The following VTI1A variants were observed in gnomAD, a reference collection of about 807,000 sequenced individuals.
VTI1A encodes vesicle transport through interaction with t-SNAREs homolog 1A.
Under a neutral mutation model 34.9 loss-of-function variants are expected in VTI1A, and 22 were observed. The observed-to-expected ratio is 0.63, with a 90% CI of 0.45 to 0.90. VTI1A has a LOEUF of 0.90. Among genes scored for constraint, VTI1A ranks in the 40% least tolerant of loss-of-function variants. The probability of loss-of-function intolerance (pLI) is 0.00; values close to 1 mark genes in which losing one functional copy is unlikely to be tolerated. For missense variants in VTI1A, 268 were observed against 275.6 expected, an observed-to-expected ratio of 0.97 and a Z score of 0.20; for synonymous variants, 87 against 97.3, an observed-to-expected ratio of 0.89 and a Z score of 0.62.
intron 5 of VTI1A, among the ~76,000 whole-genome samples, chr10:112,659,177 C>T (rs757346405): frequency 2.0e-5 from 3 of 152,144 alleles, no homozygotes; most frequent in South Asian, 2.1e-4. Flanking sequence ...ACGCTGAACA[C>T]GTCTCCCTTG....
intron 5 of VTI1A, among the ~76,000 whole-genome samples, chr10:112,571,782 C>T (rs7903119): frequency 1.1e-4 from 16 of 152,076 alleles, no homozygotes; most frequent in Admixed American, 5.9e-4. Context: ...ATGGTGTATA[C>T]GTACACTGTG....
At chr10:112,852,552 G>A in the VTI1A span, among the ~76,000 whole-genome samples, 1 of 152,250 alleles carries the variant, frequency 6.6e-6, no homozygotes, top group Admixed American at 6.5e-5. Flanking sequence ...CTCCTGAGGT[G>A]GGGGTTGGCA....
intron 5 of VTI1A, among the ~76,000 whole-genome samples, chr10:112,539,199 CA>C (rs1188128676): frequency 1.3e-5 from 2 of 151,996 alleles, no homozygotes; most frequent in Non-Finnish European, 2.9e-5. Context: ...GTGTAAACCA[CA>C]AAAATATGTA....
At chr10:112,799,194 T>A (rs1485989325) in intron 7 of VTI1A, among the ~76,000 whole-genome samples, 2 of 152,168 alleles carry the variant, frequency 1.3e-5, no homozygotes, top group African/African-American at 4.8e-5. Flanking sequence ...GCTGGGCTTT[T>A]CCTGCCTCCA....
chr10:112,616,502 C>T (rs763483841), intron 5 of VTI1A, among the ~76,000 whole-genome samples: 3 of 151,968 alleles, frequency 2.0e-5, no homozygotes, highest in Non-Finnish European at 2.9e-5. Context: ...GATTCCTATA[C>T]ATTCAGTTCA....
chr10:112,475,712 C>T lies in VTI1A; in HGVS notation c.264+11055C>T, dbSNP rs185395767. ...TTTTGCCCAGTGACTTTGATCTTACCTAGGAAATAAAGAGCAAAGATAAAA... is the reference window on the plus strand; with the variant it reads ...TTTTGCCCAGTGACTTTGATCTTACTTAGGAAATAAAGAGCAAAGATAAAA... On this transcript the variant is annotated intron_variant, in intron 3 of 7. Transcript: ENST00000393077. Among the ~76,000 whole-genome samples the T allele has an allele frequency of 1.4e-4, 21 of 152,028 alleles. No individual in the cohort carries two copies. In the East Asian group the frequency reaches 3.5e-3, roughly 25 times the overall value.
Position 112,533,946 on chromosome 10 carries a change from G to T in VTI1A, c.343-4300G>T, listed in dbSNP as rs1850535472. On this transcript the variant is annotated intron_variant, in intron 4 of 7. Transcript: ENST00000393077. ...TTCTAACATTCTGATTTACTTTACTGTAAACTGTTCTTAAATAAACTCCTT... is the reference window on the plus strand; with the variant it reads ...TTCTAACATTCTGATTTACTTTACTTTAAACTGTTCTTAAATAAACTCCTT... 3.3e-5 allele frequency among the ~76,000 whole-genome samples: 5 copies of T among 151,698 alleles called. 1 individual carries two copies. In the South Asian group the frequency reaches 1.0e-3, roughly 31 times the overall value.
intron 5 of VTI1A, among the ~76,000 whole-genome samples, chr10:112,641,067 G>GT (rs572127035): frequency 2.4e-3 from 360 of 147,936 alleles, no homozygotes; most frequent in Non-Finnish European, 3.6e-3. Flanking sequence ...AAAAGCAAAA[G>GT]TTTTTTTTTT....
chr10:112,712,155 T>C (rs890222332), intron 7 of VTI1A, among the ~76,000 whole-genome samples: 1 of 152,194 alleles, frequency 6.6e-6, no homozygotes, highest in Non-Finnish European at 1.5e-5. Context: ...TCTTCAGATA[T>C]ATCCTGCCTG....
At chr10:112,645,891 T>A (rs1274104862) in intron 5 of VTI1A, among the ~76,000 whole-genome samples, 1 of 152,034 alleles carries the variant, frequency 6.6e-6, no homozygotes, top group African/African-American at 2.4e-5. Flanking sequence ...CCTAGAAGCA[T>A]GTATTGTATG....
chr10:112,533,005 G>A (rs1850500395), intron 4 of VTI1A, among the ~76,000 whole-genome samples: 1 of 151,996 alleles, frequency 6.6e-6, no homozygotes, highest in Non-Finnish European at 1.5e-5. Flanking sequence ...TTACTAGAGT[G>A]GGTACAAGTA....
chr10:112,804,224 G>A (rs972448357), intron 7 of VTI1A, among the ~76,000 whole-genome samples: 34 of 152,268 alleles, frequency 2.2e-4, no homozygotes, highest in Non-Finnish European at 4.4e-4. Context: ...GAGAAGGCTC[G>A]GCTGTGCTCA....
At chr10:112,663,618 G>A (rs1304472588) in intron 5 of VTI1A, among the ~76,000 whole-genome samples, 3 of 152,206 alleles carry the variant, frequency 2.0e-5, no homozygotes, top group Non-Finnish European at 4.4e-5. Flanking sequence ...TCATGCCTGA[G>A]TAACATCAAT....
intron 7 of VTI1A, among the ~76,000 whole-genome samples, chr10:112,715,471 A>G (rs544106017): frequency 6.6e-6 from 1 of 152,310 alleles, no homozygotes; most frequent in East Asian, 1.9e-4. Flanking sequence ...AACTGAGACT[A>G]GTTTATTCTG....
At chr10:112,783,504 G>A (rs1355719767) in intron 7 of VTI1A, among the ~76,000 whole-genome samples, 3 of 152,126 alleles carry the variant, frequency 2.0e-5, no homozygotes, top group South Asian at 2.1e-4. Context: ...AAATGTTCAC[G>A]GTGTTCAGAT....
chr10:112,795,788 T>C (rs1017356965), intron 7 of VTI1A, among the ~76,000 whole-genome samples: 1 of 152,178 alleles, frequency 6.6e-6, no homozygotes, highest in African/African-American at 2.4e-5. Flanking sequence ...ATGTTTCTTT[T>C]ATTCAATATA....
At chr10:112,618,171 A>C (rs1274794076) in intron 5 of VTI1A, among the ~76,000 whole-genome samples, 1 of 151,912 alleles carries the variant, frequency 6.6e-6, no homozygotes, top group Non-Finnish European at 1.5e-5. Context: ...TAAATAAATA[A>C]AATACAAGAC....
intron 7 of VTI1A, among the ~76,000 whole-genome samples, chr10:112,791,225 T>C (rs1364646756): frequency 6.6e-6 from 1 of 152,222 alleles, no homozygotes; most frequent in Non-Finnish European, 1.5e-5. Flanking sequence ...ATCTCTGTCA[T>C]CTGGGAATAC....
At position 112,817,235 on chromosome 10, in the gene VTI1A, C is replaced by T; in HGVS notation, c.*1852C>T. On this transcript the variant is annotated 3_prime_UTR_variant, in exon 8 of 8. Coordinates refer to ENST00000393077, the MANE Select transcript of VTI1A (RefSeq NM_145206.4). ...CTTCCTTCAAAACTGTTGATCTTAG[C>T]TAAAGTGTATAACCAGTTACCAGCT... is the stretch of plus-strand genomic sequence containing the variant. 4.3e-6 allele frequency: 1 copy of T among 232,410 alleles called. No individual in the cohort carries two copies. Among genetic ancestry groups the T allele is most frequent in the East Asian group, 6.1e-5 (1 of 16,488 alleles). The allele number at this position is 232,410 out of a possible 1,614,324, so 14.4% of individuals were successfully genotyped here.
Sources: gnomAD v4.1 joint callset for allele counts (sites outside exome capture counted in the v4.1 genomes callset) on GRCh38, gnomAD v4.1.1 for gene constraint, MANE v1.5 for transcripts, NCBI Gene and HGNC (gene_info 2026-07-23, HGNC 2026-07-21) for gene names.